The following FAM13B variants were observed in gnomAD, a reference collection of about 807,000 sequenced individuals.
FAM13B encodes the protein family with sequence similarity 13 member B, also known as protein FAM13B.
Under a neutral mutation model 117.3 loss-of-function variants are expected in FAM13B, and 60 were observed. The ratio of observed to expected loss-of-function variants is 0.51; its 90% CI spans 0.42 to 0.63. The LOEUF (loss-of-function observed/expected upper bound fraction) is 0.63, where lower values mean the gene tolerates loss of function less well. FAM13B is among the 30% of genes least tolerant of loss of function. The probability of loss-of-function intolerance (pLI) is 0.00; values close to 1 mark genes in which losing one functional copy is unlikely to be tolerated. For missense variants in FAM13B, 972 were observed against 1,091.9 expected (o/e 0.89, Z 1.55); for synonymous variants, 332 against 356.1 (o/e 0.93, Z 0.76).
At chr5:138,025,311 GTATTTT>G (rs1561544076) in intron 1 of FAM13B, among the ~76,000 whole-genome samples, 28 of 19,612 alleles carry the variant, frequency 1.4e-3, no homozygotes, top group Middle Eastern at 0.038. Flanking sequence ...ATATATATAT[GTATTTT>G]TTTTTTTTTT....
At chr5:137,981,076 TA>T (rs149944752) in intron 10 of FAM13B, among the ~76,000 whole-genome samples, 45 of 77,762 alleles carry the variant, frequency 5.8e-4, no homozygotes, top group African/African-American at 1.5e-3. Context: ...TACACCTGGC[TA>T]TTTTTTTTTT....
Position 138,021,036 on chromosome 5 carries a change from A to T in FAM13B, c.-41T>A. ...TTACCATTTTGAAAACTTACCTTTC[A>T]GTACTTAAATACCTAAGTTTAAAAA... On this transcript the variant is annotated 5_prime_UTR_variant, in exon 2 of 24. Transcript: ENST00000689681. The T allele has an allele frequency of 8.1e-7, 1 of 1,231,308 alleles. No individual in the cohort carries two copies. Among genetic ancestry groups the T allele is most frequent in the East Asian group, 3.2e-5 (1 of 31,676 alleles). The allele number at this position is 1,231,308 out of a possible 1,614,324, so 76.3% of individuals were successfully genotyped here.
intron 4 of FAM13B, among the ~76,000 whole-genome samples, chr5:138,017,888 G>C (rs1379641934): frequency 6.6e-6 from 1 of 152,108 alleles, no homozygotes; most frequent in Non-Finnish European, 1.5e-5. Context: ...TCTTCCTTTT[G>C]CTAGGAAATT....
At chr5:138,021,582 GA>G (rs983886666) in intron 1 of FAM13B, among the ~76,000 whole-genome samples, 4 of 152,194 alleles carry the variant, frequency 2.6e-5, no homozygotes, top group East Asian at 1.9e-4. Context: ...AAAGATCAAA[GA>G]ATCAAAGATA....
At chr5:137,976,431 T>A (rs938863245) in intron 10 of FAM13B, among the ~76,000 whole-genome samples, 39 of 152,166 alleles carry the variant, frequency 2.6e-4, no homozygotes, top group Non-Finnish European at 4.9e-4. Context: ...TTAATTGGAA[T>A]TTTTTGCTTA....
chr5:138,028,950 C>T (rs535800262), intron 1 of FAM13B, among the ~76,000 whole-genome samples: 15 of 152,152 alleles, frequency 9.9e-5, no homozygotes, highest in African/African-American at 3.1e-4. Context: ...AGCCAGGAGA[C>T]GGAGGTTGCA....
intron 16 of FAM13B, 66 bp downstream of exon 16, chr5:137,953,270 T>C: frequency 6.4e-7 from 1 of 1,558,612 alleles, no homozygotes; most frequent in Non-Finnish European, 8.8e-7. Context: ...ACTAATGCTT[T>C]TGAAAAACTA....
In FAM13B at chr5:137,949,207, G is replaced by A. The variant is rs756704646; in HGVS notation, c.1931-23C>T. On this transcript the variant is annotated intron_variant, in intron 17 of 23. Coordinates refer to ENST00000689681, the MANE Select transcript of FAM13B (RefSeq NM_001385994.1). ...CATCTACATGTCAGAAATAAGGACA[G>A]ATCAGTAATAATTGGTTTTAGCTTT... is the stretch of plus-strand genomic sequence containing the variant. 8.4e-5 allele frequency: 133 copies of A among 1,583,826 alleles called. 1 individual carries two copies. The Middle Eastern group carries it at 2.2e-3, about 26-fold the overall frequency.
At chr5:138,045,388 G>C (rs1791612219) in intron 1 of FAM13B, among the ~76,000 whole-genome samples, 1 of 151,930 alleles carries the variant, frequency 6.6e-6, no homozygotes, top group Non-Finnish European at 1.5e-5. Context: ...ACAAAAATTA[G>C]CCAAGCACAG....
intron 17 of FAM13B, among the ~76,000 whole-genome samples, chr5:137,952,060 T>C (rs1358905976): frequency 6.6e-6 from 1 of 152,176 alleles, no homozygotes; most frequent in Non-Finnish European, 1.5e-5. Flanking sequence ...TAAACCCCTA[T>C]TTTGCATAAT....
chr5:138,034,995 CTTTTTTTTTT>C (rs557807234), upstream of FAM13B, among the ~76,000 whole-genome samples: 16 of 34,376 alleles, frequency 4.7e-4, no homozygotes, highest in South Asian at 3.2e-3. Flanking sequence ...ATTCCCTTGC[CTTTTTTTTTT>C]TTTTTTTTTT....
rs536211637 is a variant in FAM13B, at chr5:138,032,421, G to C, written c.-203+361C>G. 6.6e-5 allele frequency among the ~76,000 whole-genome samples: 10 copies of C among 152,332 alleles called. No individual in the cohort carries two copies. The East Asian group carries it at 1.7e-3, about 26-fold the overall frequency. ...GCCCAGCATGAAGGAAGTGGGCGGG[G>C]AAGAGGCGCAGCGCCAGCGGGCAGG... On this transcript the variant is annotated intron_variant, in intron 1 of 23. Transcript: ENST00000689681.
At chr5:137,998,685 TAAA>T (rs1780441978) in intron 7 of FAM13B, among the ~76,000 whole-genome samples, 1 of 152,246 alleles carries the variant, frequency 6.6e-6, no homozygotes, top group South Asian at 2.1e-4. Context: ...CCTGAATACT[TAAA>T]GATGCTTCTG....
At chr5:137,978,862 C>A (rs1389513643) in intron 10 of FAM13B, among the ~76,000 whole-genome samples, 1 of 152,210 alleles carries the variant, frequency 6.6e-6, no homozygotes, top group South Asian at 2.1e-4. Context: ...TTCATATAAA[C>A]CACCTTGATA....
At chr5:137,996,497 T>G (rs778135725) in intron 7 of FAM13B, among the ~76,000 whole-genome samples, 2 of 152,052 alleles carry the variant, frequency 1.3e-5, no homozygotes, top group Non-Finnish European at 2.9e-5. Flanking sequence ...ACACCTTCTT[T>G]CCTGCACCTT....
At position 137,956,533 on chromosome 5, in the gene FAM13B, G is replaced by A. The variant is rs1440801105; in HGVS notation, c.1451C>T (p.Pro484Leu). 1.3e-6 allele frequency: 2 copies of A among 1,594,326 alleles called. No individual in the cohort carries two copies. The highest frequency in any genetic ancestry group is 1.7e-6 in the Non-Finnish European group (2 of 1,169,424). ...SDGDKWEASC[P>L]ITFPLIDFKT... ...GAAATCAATGAGGGGAAAAGTGATA[G>A]GGCATGACGCTAATAAAATGGAAAA... is the stretch of plus-strand genomic sequence containing the variant. Residue 484 changes from proline to leucine, a missense_variant, in exon 14 of 24, where the codon CCT becomes CTT. Coordinates refer to ENST00000689681, the MANE Select transcript of FAM13B (RefSeq NM_001385994.1).
intron 10 of FAM13B, among the ~76,000 whole-genome samples, chr5:137,981,077 ATTTTT>A (rs56799832): frequency 1.2e-4 from 7 of 60,454 alleles, no homozygotes; most frequent in Admixed American, 2.3e-4. Context: ...ACACCTGGCT[ATTTTT>A]TTTTTTTTTT....
intron 20 of FAM13B, 23 bp from the exon 21 acceptor site, chr5:137,943,239 T>A (rs1332040228): frequency 1.3e-6 from 2 of 1,574,018 alleles, no homozygotes. Flanking sequence ...ATAATATAAA[T>A]AGTTTTACAT....
Position 138,006,900 on chromosome 5 carries a change from T to C in FAM13B, c.848+90A>G, listed in dbSNP as rs3756686. 0.47 allele frequency: 574,656 copies of C among 1,228,014 alleles called. 137,780 individuals are homozygous for C. Among genetic ancestry groups the C allele is most frequent in the East Asian group, 0.6 (23,781 of 39,536 alleles). The allele number at this position is 1,228,014 out of a possible 1,614,324, so 76.1% of individuals were successfully genotyped here. A position where few individuals can be genotyped will look rare whatever the true frequency, so the allele number is the denominator to read the frequency against. ...CACACAAATGCCAAACTTTCACATA[T>C]AGTTACAGTTTGTGTTTCTGAATGC... On this transcript the variant is annotated intron_variant, in intron 7 of 23. Coordinates refer to ENST00000689681, the MANE Select transcript of FAM13B (RefSeq NM_001385994.1).
Sources: gnomAD v4.1 joint callset for allele counts (sites outside exome capture counted in the v4.1 genomes callset) on GRCh38, gnomAD v4.1.1 for gene constraint, MANE v1.5 for transcripts, NCBI Gene and HGNC (gene_info 2026-07-23, HGNC 2026-07-21) for gene names.